The following MCTP2 variants were observed in gnomAD, a reference collection of about 807,000 sequenced individuals.
MCTP2 encodes multiple C2 and transmembrane domain containing 2, also known as multiple C2 and transmembrane domain-containing protein 2.
Under a neutral mutation model 111.6 loss-of-function variants are expected in MCTP2, and 132 were observed. That is an observed-to-expected ratio of 1.18 (90% CI 1.03 to 1.37). The LOEUF is 1.37. MCTP2 is among the 40% of genes most tolerant of loss of function. The probability of loss-of-function intolerance (pLI) is 0.00; values close to 1 mark genes in which losing one functional copy is unlikely to be tolerated. For missense variants in MCTP2, 1,183 were observed against 1,067.9 expected, an observed-to-expected ratio of 1.11 and a Z score of -1.50; for synonymous variants, 395 against 387.7, an observed-to-expected ratio of 1.02 and a Z score of -0.22.
At chr15:94,360,531 C>T (rs1006711344) in intron 10 of MCTP2, among the ~76,000 whole-genome samples, 1 of 152,062 alleles carries the variant, frequency 6.6e-6, no homozygotes, top group African/African-American at 2.4e-5. Context: ...ACTCTGTGTC[C>T]CAAAGTGTTA....
intron 8 of MCTP2, among the ~76,000 whole-genome samples, chr15:94,349,086 GT>G (rs767112772): frequency 6.6e-6 from 1 of 151,984 alleles, no homozygotes; most frequent in Non-Finnish European, 1.5e-5. Context: ...CAATCTAAAT[GT>G]CACACTGCAC....
rs760003776 is a variant in MCTP2 at position 94,385,525 on chromosome 15, C to T, written c.1788C>T (p.Ser596=). 34 of 1,596,882 alleles carry T rather than the reference C, an allele frequency of 2.1e-5. 1 individual carries two copies. The South Asian group carries it at 2.2e-4, about 10-fold the overall frequency. ...GAAAAGTTGCCATTCCCTTGCTGTC[C>T]GTAAGTTTCCTTTATTAATAAACAA... ...FLGKVAIPLL[S]IRDGQPNCYV... The change falls in exon 14 of 23, where the codon TCC becomes TCT. Residue 596 remains serine, a splice_region_variant and synonymous_variant. Transcript: ENST00000357742.
chr15:94,415,993 A>C (rs962890386), intron 17 of MCTP2, among the ~76,000 whole-genome samples: 1 of 152,170 alleles, frequency 6.6e-6, no homozygotes, highest in African/African-American at 2.4e-5. Flanking sequence ...TGTGAAGAGC[A>C]TAATGAACTC....
intron 4 of MCTP2, among the ~76,000 whole-genome samples, chr15:94,325,299 AAC>A (rs2076811399): frequency 6.6e-6 from 1 of 152,168 alleles, no homozygotes; most frequent in African/African-American, 2.4e-5. Flanking sequence ...GTGGAGCTGA[AAC>A]AGTCATATGC....
chr15:94,338,773 T>G (rs866774391), intron 4 of MCTP2, among the ~76,000 whole-genome samples: 7 of 152,328 alleles, frequency 4.6e-5, no homozygotes, highest in African/African-American at 7.2e-5. Context: ...TTTGTCAATT[T>G]AATCTCTACG....
intron 17 of MCTP2, among the ~76,000 whole-genome samples, chr15:94,432,786 A>G (rs1034312701): frequency 6.6e-6 from 1 of 152,194 alleles, no homozygotes; most frequent in African/African-American, 2.4e-5. Flanking sequence ...CCTAATCTCA[A>G]ATTCACTCTT....
At chr15:94,366,157 T>G (rs577968543) in intron 10 of MCTP2, among the ~76,000 whole-genome samples, 29 of 152,324 alleles carry the variant, frequency 1.9e-4, no homozygotes, top group African/African-American at 6.5e-4. Context: ...TCATAGATAG[T>G]AATGCAATTT....
At position 94,399,939 on chromosome 15, in the gene MCTP2, A is replaced by T. The variant is rs770362187; in HGVS notation, c.1909A>T (p.Thr637Ser). 1 of 1,613,922 alleles carries T rather than the reference A, an allele frequency of 6.2e-7. No homozygotes were observed. The highest frequency in any genetic ancestry group is 8.5e-7 in the Non-Finnish European group (1 of 1,179,850). ...TTTCTAGGTGAAAGCAAGTATTAGG[A>T]CTTTTACTCCCCGGGAAAAGCGCTT... is the stretch of plus-strand genomic sequence containing the variant. ...IYNPVKASIR[T>S]FTPREKRFVE... is the part of the protein sequence containing the mutation. Residue 637 changes from threonine (T) to serine (S), a missense_variant, in exon 16 of 23, where the codon ACT (threonine) becomes TCT (serine). Transcript: ENST00000357742.
chr15:94,234,131 A>G (rs1267689894), intron 1 of MCTP2, among the ~76,000 whole-genome samples: 1 of 152,118 alleles, frequency 6.6e-6, no homozygotes, highest in Non-Finnish European at 1.5e-5. Flanking sequence ...AGGTGTTTAT[A>G]AAAGTGTGCC....
intron 17 of MCTP2, among the ~76,000 whole-genome samples, chr15:94,418,575 A>C (rs1362093478): frequency 6.6e-6 from 1 of 152,152 alleles, no homozygotes; most frequent in Admixed American, 6.6e-5. Flanking sequence ...GCAGCACATT[A>C]GATGCTTTTT....
intron 17 of MCTP2, among the ~76,000 whole-genome samples, chr15:94,426,469 TTC>T (rs994296194): frequency 6.6e-6 from 1 of 152,106 alleles, no homozygotes; most frequent in African/African-American, 2.4e-5. Flanking sequence ...AAATCACAAA[TTC>T]TCTCTTTTGC....
intron 1 of MCTP2, among the ~76,000 whole-genome samples, chr15:94,238,136 G>T (rs1234783673): frequency 6.6e-6 from 1 of 152,052 alleles, no homozygotes; most frequent in Non-Finnish European, 1.5e-5. Context: ...CACGGGCCAT[G>T]GTCACTCATA....
chr15:94,298,699 C>A lies in MCTP2; in HGVS notation c.434C>A (p.Ser145Tyr). The A allele has an allele frequency of 6.2e-7, 1 of 1,611,492 alleles. No homozygotes were observed. The highest frequency in any genetic ancestry group is 1.3e-5 in the African/African-American group (1 of 74,944). ...SNGIFDLQKT[S>Y]LGGDAPEEPE... ...GGCATCTTTGATCTTCAGAAAACTTCCCTTGGAGGGGATGCACCAGAAGAG... is the reference window on the plus strand; with the variant it reads ...GGCATCTTTGATCTTCAGAAAACTTACCTTGGAGGGGATGCACCAGAAGAG... The change falls in exon 2 of 23, where the codon TCC becomes TAC. Residue 145 changes from serine to tyrosine, a missense_variant. Ser to Tyr is a moderately radical substitution (Grantham distance 144). Transcript: ENST00000357742.
chr15:94,393,043 A>T (rs1357493811), intron 14 of MCTP2, among the ~76,000 whole-genome samples: 3 of 152,158 alleles, frequency 2.0e-5, no homozygotes, highest in Admixed American at 2.0e-4. Context: ...TGCACATTTT[A>T]ATAAAGGAAA....
chr15:94,264,601 ACT>A (rs1218712820), intron 1 of MCTP2, among the ~76,000 whole-genome samples: 1 of 142,452 alleles, frequency 7.0e-6, no homozygotes, highest in African/African-American at 2.5e-5. Flanking sequence ...ACAGAGCGAG[ACT>A]CTGTCTCAAA....
At chr15:94,403,545 CAG>C (rs1335050976) in intron 17 of MCTP2, among the ~76,000 whole-genome samples, 3 of 152,192 alleles carry the variant, frequency 2.0e-5, no homozygotes, top group South Asian at 2.1e-4. Flanking sequence ...TTTAGAAAAA[CAG>C]AGATCTGTTG....
chr15:94,465,456 A>C (rs2073191655), intron 20 of MCTP2, among the ~76,000 whole-genome samples: 1 of 152,188 alleles, frequency 6.6e-6, no homozygotes, highest in Non-Finnish European at 1.5e-5. Flanking sequence ...TAATGTAATA[A>C]AAGTTATGTG....
chr15:94,305,674 A>G (rs150765439), intron 2 of MCTP2, among the ~76,000 whole-genome samples: 6 of 152,246 alleles, frequency 3.9e-5, no homozygotes, highest in African/African-American at 1.2e-4. Context: ...ATATTGATTC[A>G]TATTATCACT....
intron 4 of MCTP2, among the ~76,000 whole-genome samples, chr15:94,327,122 C>T (rs145100108): frequency 7.2e-5 from 11 of 152,136 alleles, no homozygotes; most frequent in East Asian, 1.9e-4. Context: ...TTTAATCTTA[C>T]GATTCTTTTC....
Sources: allele counts gnomAD v4.1 joint callset (sites outside exome capture counted in the v4.1 genomes callset), GRCh38; gene constraint gnomAD v4.1.1; transcripts MANE v1.5; gene names NCBI Gene and HGNC (gene_info 2026-07-23, HGNC 2026-07-21).